NDE1: variants seen among roughly 807,000 people sequenced by gnomAD.
NDE1 encodes the protein nudE neurodevelopment protein 1.
In NDE1, 28 loss-of-function variants were observed where a neutral mutation model predicts 43.4. The ratio of observed to expected loss-of-function variants is 0.65; its 90% CI spans 0.48 to 0.89. The LOEUF is 0.89. Among genes scored for constraint, NDE1 ranks in the 40% least tolerant of loss-of-function variants. NDE1 has a pLI of 0.00. For synonymous variants in NDE1, 184 were observed against 172.0 expected (o/e 1.07, Z -0.55); for missense variants, 441 against 434.1 (o/e 1.02, Z -0.14).
At chr16:15,651,549 C>G (rs1051707675) in intron 1 of NDE1, 10 of 150,786 alleles carry the variant, frequency 6.6e-5, no homozygotes, top group African/African-American at 2.4e-4. Context: ...TCAAGCGATT[C>G]TCCTGCCTCA....
chr16:15,700,381 G>T lies in NDE1; in HGVS notation c.947+3521G>T, dbSNP rs1478743871. On this transcript the variant is annotated intron_variant, in intron 8 of 8. Transcript: ENST00000396354. ...CCCAGAATGCTGGGATTTCAAGCAT[G>T]AGCCATCGTTCCCATGCCCCATTGT... The T allele has an allele frequency of 2.0e-5, 3 of 152,784 alleles. No individual in the cohort carries two copies. The East Asian group carries it at 5.8e-4, about 30-fold the overall frequency. 9.5% of individuals were successfully genotyped at this position (152,784 alleles called of 1,614,324 possible).
intron 8 of NDE1, chr16:15,702,211 C>G (rs536300320): frequency 6.6e-6 from 1 of 152,318 alleles, no homozygotes; most frequent in Non-Finnish European, 1.5e-5. Flanking sequence ...TTGAACAGAG[C>G]CTTTGCAGGC....
At position 15,693,638 on chromosome 16, in the gene NDE1, T is replaced by TA. The variant is rs975210238; in HGVS notation, c.704-517dup. Reference sequence around the variant, plus strand: ...CAACATAGTGAGACCCTGTCTCTATTAAAAAAAAAATTTGTTAAAGGCCAG... The same window carrying TA: ...CAACATAGTGAGACCCTGTCTCTATTAAAAAAAAAAATTTGTTAAAGGCCAG... On this transcript the variant is annotated intron_variant, in intron 6 of 8. Transcript: ENST00000396354. 7.5e-4 allele frequency among the ~76,000 whole-genome samples: 113 copies of TA among 150,524 alleles called. 1 individual carries two copies. Among genetic ancestry groups the TA allele is most frequent in the Non-Finnish European group, 1.2e-3 (79 of 67,444 alleles).
Position 15,724,917 on chromosome 16 carries a change from A to G in NDE1, c.*666A>G, listed in dbSNP as rs766001513. On this transcript the variant is annotated 3_prime_UTR_variant, in exon 9 of 9. Coordinates refer to ENST00000396354, the MANE Select transcript of NDE1 (RefSeq NM_017668.3). ...GTGTCCTGGAGCTGGGAACTGAGGG[A>G]CGCCACGTCCTTGGCCAGCTTAATG... 5.6e-6 allele frequency: 9 copies of G among 1,614,124 alleles called. No individual in the cohort carries two copies. Among genetic ancestry groups the G allele is most frequent in the Non-Finnish European group, 7.6e-6 (9 of 1,180,020 alleles).
chr16:15,715,683 G>A (rs1397889952), intron 8 of NDE1, among the ~76,000 whole-genome samples: 1 of 152,122 alleles, frequency 6.6e-6, no homozygotes, highest in Non-Finnish European at 1.5e-5. Context: ...GGAGTGCAGT[G>A]GTGCTCCAAT....
intron 8 of NDE1, among the ~76,000 whole-genome samples, chr16:15,722,357 T>C (rs1419295703): frequency 6.6e-6 from 1 of 152,222 alleles, no homozygotes; most frequent in Non-Finnish European, 1.5e-5. Context: ...CATATCTCTC[T>C]GCTTGGAGAA....
intron 7 of NDE1, chr16:15,694,933 A>C (rs1156314577): frequency 1.0e-6 from 1 of 980,220 alleles, no homozygotes; most frequent in African/African-American, 1.8e-5. Flanking sequence ...GTGCTTTGGG[A>C]GGCCAAGGTG....
At chr16:15,667,851 C>G (rs1028577855) in intron 3 of NDE1, among the ~76,000 whole-genome samples, 1 of 151,474 alleles carries the variant, frequency 6.6e-6, no homozygotes, top group African/African-American at 2.4e-5. Flanking sequence ...AGGCTGGTCT[C>G]GAACTCCTGA....
At chr16:15,654,863 T>C (rs1280868538) in intron 1 of NDE1, among the ~76,000 whole-genome samples, 1 of 150,780 alleles carries the variant, frequency 6.6e-6, no homozygotes, top group Non-Finnish European at 1.5e-5. Flanking sequence ...AAGAAGATAA[T>C]GTTTGCAAAC....
chr16:15,696,525 A>T (rs919238532), intron 7 of NDE1, among the ~76,000 whole-genome samples, 184 bp from the exon 8 acceptor site: 1 of 152,072 alleles, frequency 6.6e-6, no homozygotes, highest in African/African-American at 2.4e-5. Flanking sequence ...CAGCTCCCAA[A>T]TACTTAAGGT....
intron 4 of NDE1, among the ~76,000 whole-genome samples, chr16:15,681,097 T>C (rs939191391): frequency 2.0e-5 from 3 of 151,266 alleles, no homozygotes; most frequent in African/African-American, 7.3e-5. Flanking sequence ...TTTTGTGTTT[T>C]TTTTGCAATA....
chr16:15,670,682 A>G (rs1022545987), intron 3 of NDE1, among the ~76,000 whole-genome samples: 4 of 141,606 alleles, frequency 2.8e-5, no homozygotes, highest in Admixed American at 1.4e-4. Context: ...AGAAAGAAAA[A>G]GAAAGGACTG....
At chr16:15,643,925 AC>A (rs1323581732) in exon 1 of NDE1, 2 of 152,670 alleles carry the variant, frequency 1.3e-5, no homozygotes, top group African/African-American at 4.8e-5. Flanking sequence ...AGGAAATCTT[AC>A]GGTTAGTTTC....
At chr16:15,663,567 CAT>C (rs1334955345) in intron 1 of NDE1, among the ~76,000 whole-genome samples, 3 of 152,104 alleles carry the variant, frequency 2.0e-5, no homozygotes, top group Non-Finnish European at 2.9e-5. Flanking sequence ...ACATGCTCCT[CAT>C]GTGTCGCCTC....
intron 8 of NDE1, among the ~76,000 whole-genome samples, chr16:15,715,599 G>A (rs2040083429): frequency 6.6e-6 from 1 of 152,158 alleles, no homozygotes; most frequent in African/African-American, 2.4e-5. Flanking sequence ...GGGACTGAAG[G>A]GAGTGGTTAC....
chr16:15,666,724 G>C (rs962996723), intron 2 of NDE1, among the ~76,000 whole-genome samples: 3 of 152,170 alleles, frequency 2.0e-5, no homozygotes, highest in Non-Finnish European at 4.4e-5. Context: ...GACCCCAGGT[G>C]ATCCTTCTGC....
At position 15,719,734 on chromosome 16, in the gene NDE1, G is replaced by A. The variant is rs777078617; in HGVS notation, c.948-4457G>A. 6 of 1,613,916 alleles carry A rather than the reference G, an allele frequency of 3.7e-6. No individual in the cohort carries two copies. The Admixed American group carries it at 8.3e-5, about 22-fold the overall frequency. On this transcript the variant is annotated intron_variant, in intron 8 of 8. Transcript: ENST00000396354. The stretch of plus-strand genomic sequence containing the variant: ...TGAGCCTGCATGAGTCAACAGGGAG[G>A]ACAAGCTCAGATGTCCTTACTCCCC...
intron 8 of NDE1, among the ~76,000 whole-genome samples, chr16:15,702,581 C>CT (rs35525374): frequency 0.44 from 65,544 of 150,336 alleles, 15,315 homozygotes; most frequent in African/African-American, 0.61. Flanking sequence ...AAAAAAACAC[C>CT]TTTTTTTTAT....
At chr16:15,689,656 AC>A (rs2038628007) in intron 5 of NDE1, among the ~76,000 whole-genome samples, 1 of 152,130 alleles carries the variant, frequency 6.6e-6, no homozygotes, top group African/African-American at 2.4e-5. Context: ...AATGGAGAGA[AC>A]AGCTGGGCGC....
Sources: allele counts gnomAD v4.1 joint callset (sites outside exome capture counted in the v4.1 genomes callset), GRCh38; gene constraint gnomAD v4.1.1; transcripts MANE v1.5; gene names NCBI Gene and HGNC (gene_info 2026-07-23, HGNC 2026-07-21).